The following ACTR6 variants were observed in gnomAD, a reference collection of about 807,000 sequenced individuals.
The protein encoded by ACTR6 is actin-related protein 6.
ACTR6 carries 50 observed loss-of-function variants against 52.5 expected under a neutral mutation model. The ratio of observed to expected loss-of-function variants is 0.95; its 90% CI spans 0.76 to 1.20. The LOEUF (loss-of-function observed/expected upper bound fraction) is 1.20. Among genes scored for constraint, ACTR6 ranks in the 50% most tolerant of loss-of-function variants. The pLI is 0.00. For synonymous variants in ACTR6, 135 were observed against 147.2 expected (o/e 0.92, Z 0.60); for missense variants, 344 against 472.4 (o/e 0.73, Z 2.52).
chr12:100,202,823 C>CTCCG, intron 1 of ACTR6, among the ~76,000 whole-genome samples: 1 of 151,014 alleles, frequency 6.6e-6, no homozygotes, highest in African/African-American at 2.4e-5. Flanking sequence ...CGCCACTGCA[C>CTCCG]TCCAGCCTGG....
chr12:100,204,453 C>T (rs2096112796), intron 1 of ACTR6, among the ~76,000 whole-genome samples: 2 of 152,210 alleles, frequency 1.3e-5, no homozygotes, highest in African/African-American at 4.8e-5. Flanking sequence ...CTCCATCTCT[C>T]AGGTTCAAGT....
chr12:100,211,732 G>T (rs1049787576), intron 6 of ACTR6, among the ~76,000 whole-genome samples: 1 of 152,066 alleles, frequency 6.6e-6, no homozygotes, highest in Non-Finnish European at 1.5e-5. Flanking sequence ...AAATAATTAT[G>T]GCCAGGTGCA....
chr12:100,213,997 A>T (rs1488858615), intron 8 of ACTR6, among the ~76,000 whole-genome samples: 1 of 152,204 alleles, frequency 6.6e-6, no homozygotes, highest in Non-Finnish European at 1.5e-5. Context: ...TTAATTTTTG[A>T]TATGTTCGTA....
At chr12:100,215,206 C>T (rs2096123074) in intron 8 of ACTR6, among the ~76,000 whole-genome samples, 1 of 152,210 alleles carries the variant, frequency 6.6e-6, no homozygotes, top group Admixed American at 6.5e-5. Flanking sequence ...CTAGAATTGC[C>T]TGTTTCATAA....
intron 9 of ACTR6, among the ~76,000 whole-genome samples, chr12:100,219,148 C>G: frequency 7.2e-6 from 1 of 139,414 alleles, no homozygotes. Context: ...AGGCCATGTG[C>G]TTTCCTCTCA....
intron 4 of ACTR6, among the ~76,000 whole-genome samples, chr12:100,209,814 A>G (rs11110295): frequency 0.063 from 9,562 of 152,274 alleles, 332 homozygotes; most frequent in Middle Eastern, 0.14. Flanking sequence ...TGTTGTAGTA[A>G]TTCTTTTAAA....
rs2068784112 is a variant in ACTR6 at position 100,224,375 on chromosome 12, G to A, written c.*460G>A. On this transcript the variant is annotated 3_prime_UTR_variant, in exon 11 of 11. Coordinates refer to ENST00000188312, the MANE Select transcript of ACTR6 (RefSeq NM_022496.5). ...GTATAATGTTTATTTTGTACCTAGA[G>A]TACATTTAAAAGGGTGGAGACTAAG... 6.6e-6 allele frequency: 1 copy of A among 152,482 alleles called. No individual in the cohort carries two copies. The highest frequency in any genetic ancestry group is 1.5e-5 in the Non-Finnish European group (1 of 68,320). 9.4% of individuals were successfully genotyped at this position (152,482 alleles called of 1,614,324 possible). A position where few individuals can be genotyped will look rare whatever the true frequency, so the allele number is the denominator to read the frequency against.
chr12:100,209,593 A>G (rs1442396644), intron 4 of ACTR6, among the ~76,000 whole-genome samples: 2 of 152,166 alleles, frequency 1.3e-5, no homozygotes, highest in Non-Finnish European at 2.9e-5. Context: ...CCCAATGTCA[A>G]TAGTTCTGAG....
Position 100,207,715 on chromosome 12 carries a change from C to T in ACTR6, c.308C>T (p.Thr103Ile). 1 of 1,589,594 alleles carries T rather than the reference C, an allele frequency of 6.3e-7. No individual in the cohort carries two copies. The highest frequency in any genetic ancestry group is 1.7e-4 in the Middle Eastern group (1 of 5,938). The change falls in exon 4 of 11, where the codon ACT (threonine) becomes ATT (isoleucine). Residue 103 changes from threonine to isoleucine, a missense_variant. Coordinates refer to ENST00000188312, the MANE Select transcript of ACTR6 (RefSeq NM_022496.5). ...IIITEPYFNF[T>I]SIQESMNEIL... Reference sequence around the variant, plus strand: ...ATCACTGAACCATACTTTAACTTCACTTCAATTCAAGAATCAATGAATGAA... The same window carrying T: ...ATCACTGAACCATACTTTAACTTCATTTCAATTCAAGAATCAATGAATGAA...
At chr12:100,219,453 T>C (rs1211220812) in intron 9 of ACTR6, among the ~76,000 whole-genome samples, 2 of 152,238 alleles carry the variant, frequency 1.3e-5, no homozygotes, top group African/African-American at 4.8e-5. Flanking sequence ...GTAACTTTAA[T>C]GAGTGTTCAT....
intron 10 of ACTR6, among the ~76,000 whole-genome samples, chr12:100,223,443 A>G (rs963474239): frequency 4.6e-5 from 7 of 152,152 alleles, no homozygotes; most frequent in Non-Finnish European, 1.0e-4. Context: ...TAGACTCAGT[A>G]TGACAGTTTT....
rs1311170642 is a variant in ACTR6, at chr12:100,224,216, A to G, written c.*301A>G. The G allele has an allele frequency of 3.2e-5, 6 of 188,120 alleles. No homozygotes were observed. The highest frequency in any genetic ancestry group is 6.5e-5 in the Non-Finnish European group (6 of 92,934). The allele number at this position is 188,120 out of a possible 1,614,324, so 11.7% of individuals were successfully genotyped here. A position where few individuals can be genotyped will look rare whatever the true frequency, so the allele number is the denominator to read the frequency against. Reference sequence around the variant, plus strand: ...TTTAAGTTTAATTCTTCATAGCTGAAAGCACAAATTTAACGGCTTCACTGG... The same window carrying G: ...TTTAAGTTTAATTCTTCATAGCTGAGAGCACAAATTTAACGGCTTCACTGG... On this transcript the variant is annotated 3_prime_UTR_variant, in exon 11 of 11. Coordinates refer to ENST00000188312, the MANE Select transcript of ACTR6 (RefSeq NM_022496.5).
At chr12:100,221,763 C>T (rs2153901332) in intron 10 of ACTR6, 1 of 151,796 alleles carries the variant, frequency 6.6e-6, no homozygotes, top group African/African-American at 2.4e-5. Context: ...TCACTGCACT[C>T]CAGCCTGGGC....
intron 6 of ACTR6, 50 bp downstream of exon 6, chr12:100,210,401 C>G (rs1317606794): frequency 1.9e-6 from 3 of 1,543,624 alleles, no homozygotes; most frequent in African/African-American, 2.7e-5. Context: ...GGGGAGGAAC[C>G]TTTTACAGTA....
chr12:100,223,943 C>T lies in ACTR6; in HGVS notation c.*28C>T, dbSNP rs562776115. 4.4e-6 allele frequency: 7 copies of T among 1,586,598 alleles called. No homozygotes were observed. Among genetic ancestry groups the T allele is most frequent in the Non-Finnish European group, 6.0e-6 (7 of 1,172,472 alleles). ...AACATTTTTGAATGAAAGTTGTGACCATAAGGTTTAATTTCAAAGTTCCTT... is the reference window on the plus strand; with the variant it reads ...AACATTTTTGAATGAAAGTTGTGACTATAAGGTTTAATTTCAAAGTTCCTT... On this transcript the variant is annotated 3_prime_UTR_variant, in exon 11 of 11. Transcript: ENST00000188312.
Position 100,218,313 on chromosome 12 carries a change from A to T in ACTR6, c.751-102A>T. 1 of 666,576 alleles carries T rather than the reference A, an allele frequency of 1.5e-6. No individual in the cohort carries two copies. The highest frequency in any genetic ancestry group is 5.7e-5 in the South Asian group (1 of 17,606). The allele number at this position is 666,576 out of a possible 1,614,324, so 41.3% of individuals were successfully genotyped here. Reference sequence around the variant, plus strand: ...TGAAACTTCCAAGAACATTATTAATATATTATTAATATATTATTGCATATA... The same window carrying T: ...TGAAACTTCCAAGAACATTATTAATTTATTATTAATATATTATTGCATATA... On this transcript the variant is annotated intron_variant, in intron 8 of 10. Transcript: ENST00000188312. The surrounding 1 kb of genome is among the most constrained non-coding windows in gnomAD (Gnocchi z 4.2).
Position 100,224,231 on chromosome 12 carries a change from G to C in ACTR6, c.*316G>C, listed in dbSNP as rs1334547449. The stretch of plus-strand genomic sequence containing the variant: ...TCATAGCTGAAAGCACAAATTTAAC[G>C]GCTTCACTGGACAGTTTTCCTTAGA... On this transcript the variant is annotated 3_prime_UTR_variant, in exon 11 of 11. Transcript: ENST00000188312. The C allele has an allele frequency of 5.6e-6, 1 of 177,428 alleles. No individual in the cohort carries two copies. The highest frequency in any genetic ancestry group is 1.2e-5 in the Non-Finnish European group (1 of 85,728). 11.0% of individuals were successfully genotyped at this position (177,428 alleles called of 1,614,324 possible). A position where few individuals can be genotyped will look rare whatever the true frequency, so the allele number is the denominator to read the frequency against.
chr12:100,223,679 C>CA (rs890345194), intron 10 of ACTR6, 107 bp from the exon 11 acceptor site: 272 of 1,386,996 alleles, frequency 2.0e-4, no homozygotes, highest in Admixed American at 5.9e-4. Context: ...ATTTTAATGG[C>CA]AAAAAAAACA....
chr12:100,209,694 G>T (rs886412722), intron 4 of ACTR6, among the ~76,000 whole-genome samples: 1 of 152,158 alleles, frequency 6.6e-6, no homozygotes, highest in African/African-American at 2.4e-5. Context: ...CTGAGCTTCA[G>T]GTTCCTTATC....
Sources: gnomAD v4.1 joint callset for allele counts (sites outside exome capture counted in the v4.1 genomes callset) on GRCh38, gnomAD v4.1.1 for gene constraint, Gnocchi (gnomAD v3.1) non-coding constraint, MANE v1.5 for transcripts, NCBI Gene and HGNC (gene_info 2026-07-23, HGNC 2026-07-21) for gene names.